The following DNAH1 variants were observed in gnomAD, a reference collection of about 807,000 sequenced individuals.
The protein encoded by DNAH1 is dynein axonemal heavy chain 1, also known as axonemal beta dynein heavy chain 1.
Under a neutral mutation model 484.3 loss-of-function variants are expected in DNAH1, and 327 were observed. That is an observed-to-expected ratio of 0.68 (90% CI 0.62 to 0.74). DNAH1 has a LOEUF of 0.74. Among genes scored for constraint, DNAH1 ranks in the 30% least tolerant of loss-of-function variants. The pLI is 0.00. For missense variants in DNAH1, 5,052 were observed against 5,546.8 expected (o/e 0.91, Z 2.83); for synonymous variants, 2,192 against 2,191.9 (o/e 1.00, Z 0.00).
rs1488609679 is a variant in DNAH1 at position 52,366,849 on chromosome 3, C to T, written c.5727C>T (p.Gly1909=). The T allele has an allele frequency of 9.9e-6, 16 of 1,613,752 alleles. No individual in the cohort carries two copies. Among genetic ancestry groups the T allele is most frequent in the Non-Finnish European group, 1.4e-5 (16 of 1,179,832 alleles). Residue 1909 remains glycine (G), a synonymous_variant, in exon 36 of 78, where the codon GGC becomes GGT. Transcript: ENST00000420323. The part of the protein sequence containing the change: ...YVLNPKSITM[G]QLYGEFDLLT... Reference sequence around the variant, plus strand: ...TCAACCCCAAGTCCATCACGATGGGCCAGCTGTACGGGGAGTTTGACCTCC... The same window carrying T: ...TCAACCCCAAGTCCATCACGATGGGTCAGCTGTACGGGGAGTTTGACCTCC...
intron 75 of DNAH1, 89 bp downstream of exon 75, chr3:52,398,251 T>G: frequency 6.9e-7 from 1 of 1,458,906 alleles, no homozygotes; most frequent in Non-Finnish European, 9.1e-7. Flanking sequence ...CCAGGTGCCA[T>G]GCCAAGTGCT....
rs757617865 is a variant in DNAH1, at chr3:52,332,290, T to C, written c.1182T>C (p.Tyr394=). 1.2e-6 allele frequency: 2 copies of C among 1,614,066 alleles called. No individual in the cohort carries two copies. Among genetic ancestry groups the C allele is most frequent in the Non-Finnish European group, 1.7e-6 (2 of 1,179,912 alleles). Residue 394 remains tyrosine (Y), a synonymous_variant, in exon 8 of 78, where the codon TAT becomes TAC. Transcript: ENST00000420323. Reference sequence around the variant, plus strand: ...AAGCACTGCTGCTCTACAACTTGTATGTGGACTGCATGCCCTCTGACGGCC... The same window carrying C: ...AAGCACTGCTGCTCTACAACTTGTACGTGGACTGCATGCCCTCTGACGGCC... The part of the protein sequence containing the change: ...NTEALLLYNL[Y]VDCMPSDGQH...
At position 52,351,955 on chromosome 3, in the gene DNAH1, C is replaced by T. The variant is rs545970781; in HGVS notation, c.2730-7C>T. On this transcript the variant is annotated splice_polypyrimidine_tract_variant and splice_region_variant and intron_variant, in intron 16 of 77. Coordinates refer to ENST00000420323, the MANE Select transcript of DNAH1 (RefSeq NM_015512.5). ...TTTCTCCCAATCCCCACCCCCATCC[C>T]GGCCAGATGGATTGCCAGCAACTGG... 18 of 1,598,746 alleles carry T rather than the reference C, an allele frequency of 1.1e-5. No individual in the cohort carries two copies. The highest frequency in any genetic ancestry group is 3.4e-5 in the South Asian group (3 of 87,848).
chr3:52,343,209 A>G (rs1484653352), intron 8 of DNAH1, among the ~76,000 whole-genome samples: 1 of 152,162 alleles, frequency 6.6e-6, no homozygotes, highest in African/African-American at 2.4e-5. Flanking sequence ...TTTTTCATAA[A>G]GAAACACAAA....
rs573854032 is a variant in DNAH1, at chr3:52,393,384, C to T, written c.10525C>T (p.Leu3509Phe). 6.2e-7 allele frequency: 1 copy of T among 1,614,054 alleles called. No individual in the cohort carries two copies. Among genetic ancestry groups the T allele is most frequent in the Admixed American group, 1.7e-5 (1 of 60,030 alleles). Residue 3509 changes from leucine (L) to phenylalanine (F), a missense_variant, in exon 66 of 78, where the codon CTC (leucine) becomes TTC (phenylalanine). By Grantham distance (22) the Leu-to-Phe change is conservative. Transcript: ENST00000420323. ...SNINRYLTYS[L>F]YSNVCRSLFE... ...CATCAACCGCTACCTGACCTACAGCCTCTACAGCAACGTCTGCCGCAGCCT... is the reference window on the plus strand; with the variant it reads ...CATCAACCGCTACCTGACCTACAGCTTCTACAGCAACGTCTGCCGCAGCCT...
intron 44 of DNAH1, 101 bp downstream of exon 44, chr3:52,373,154 C>A: frequency 4.0e-5 from 49 of 1,234,960 alleles, no homozygotes; most frequent in Non-Finnish European, 5.0e-5. Flanking sequence ...AAGGCACCCA[C>A]AAAAATGTTT....
intron 63 of DNAH1, 79 bp downstream of exon 63, chr3:52,391,682 C>T (rs1266290250): frequency 5.8e-5 from 90 of 1,548,336 alleles, no homozygotes; most frequent in Non-Finnish European, 5.6e-5. Flanking sequence ...ACCCCCAGGC[C>T]GGGAGTCAGT....
chr3:52,357,953 C>A lies in DNAH1; in HGVS notation c.4036C>A (p.Pro1346Thr), dbSNP rs1204946731. 1.2e-6 allele frequency: 2 copies of A among 1,613,168 alleles called. No homozygotes were observed. The highest frequency in any genetic ancestry group is 1.7e-6 in the Non-Finnish European group (2 of 1,179,772). ...AGAGATCTTGTCGCAGACAAAGGAC[C>A]CCACGGCCGTGCAGCCACACCTGCG... ...LLEILSQTKDPTAVQPHLRKC... is the reference protein window; with the variant it reads ...LLEILSQTKDTTAVQPHLRKC... The change falls in exon 24 of 78, where the codon CCC becomes ACC. Residue 1346 changes from proline to threonine, a missense_variant. By Grantham distance (38) the Pro-to-Thr change is conservative. Transcript: ENST00000420323.
At position 52,331,619 on chromosome 3, in the gene DNAH1, CTTTTTTTTTT is replaced by C. The variant is rs36097098; in HGVS notation, c.1033+324_1033+333del. On this transcript the variant is annotated intron_variant, in intron 7 of 77. Coordinates refer to ENST00000420323, the MANE Select transcript of DNAH1 (RefSeq NM_015512.5). Reference sequence around the variant, plus strand: ...TATAACTCCTTGTCTAAATACTTTTCTTTTTTTTTTTTTTTTTTTTTTTGAGATGGAGTCT... The same window carrying C: ...TATAACTCCTTGTCTAAATACTTTTCTTTTTTTTTTTTTGAGATGGAGTCT... Among the ~76,000 whole-genome samples the C allele has an allele frequency of 0.2, 22,069 of 111,456 alleles. 2,286 individuals carry two copies. The highest frequency in any genetic ancestry group is 0.34 in the African/African-American group (10,860 of 31,914). 73.1% of individuals were successfully genotyped at this position (111,456 alleles called of 152,430 possible).
In DNAH1 at chr3:52,359,287, G is replaced by C; in HGVS notation, c.4308G>C (p.Val1436=). The stretch of plus-strand genomic sequence containing the variant: ...GGGTTCTGAACTGGCCTGGCCAGGT[G>C]ACCATCGCTGGGTGCCAGACCTACT... ...TQWVLNWPGQ[V]TIAGCQTYWT... The change falls in exon 26 of 78, where the codon GTG becomes GTC. Residue 1436 remains valine, a synonymous_variant. Coordinates refer to ENST00000420323, the MANE Select transcript of DNAH1 (RefSeq NM_015512.5). 1 of 1,568,664 alleles carries C rather than the reference G, an allele frequency of 6.4e-7. No individual in the cohort carries two copies. Among genetic ancestry groups the C allele is most frequent in the Non-Finnish European group, 8.7e-7 (1 of 1,156,054 alleles).
chr3:52,356,651 G>GGCTCTACCTGGAGCCCATCTTTA lies in DNAH1; in HGVS notation c.3737_3759dup (p.Glu1254ThrfsTer33). 6.2e-7 allele frequency: 1 copy of GGCTCTACCTGGAGCCCATCTTTA among 1,613,758 alleles called. No individual in the cohort carries two copies. The highest frequency in any genetic ancestry group is 8.5e-7 in the Non-Finnish European group (1 of 1,179,898). ...GAGTGGCTGAACTGTCAGCGGTCCT[G>GGCTCTACCTGGAGCCCATCTTTA]GCTCTACCTGGAGCCCATCTTTAGC... On this transcript the variant is annotated frameshift_variant, in exon 22 of 78. Coordinates refer to ENST00000420323, the MANE Select transcript of DNAH1 (RefSeq NM_015512.5). LOFTEE classifies it high-confidence loss of function.
chr3:52,383,639 G>A (rs1306323212), intron 51 of DNAH1, 45 bp downstream of exon 51: 3 of 1,510,998 alleles, frequency 2.0e-6, no homozygotes, highest in Admixed American at 2.0e-5. Context: ...GCGGAGCTGG[G>A]TGTGTACATG....
intron 37 of DNAH1, 62 bp from the exon 38 acceptor site, chr3:52,369,763 G>A (rs1222992626): frequency 1.3e-6 from 2 of 1,540,978 alleles, no homozygotes; most frequent in East Asian, 2.3e-5. Context: ...CAGCCCTGCA[G>A]CCCTTTCTCC....
At chr3:52,389,647 A>G (rs1704283677) in intron 60 of DNAH1, 61 bp downstream of exon 60, 2 of 1,288,556 alleles carry the variant, frequency 1.6e-6, no homozygotes, top group Non-Finnish European at 2.0e-6. Context: ...AGGCTGGGCC[A>G]GGAGCCTTCT....
chr3:52,331,583 AG>A (rs973566802), intron 7 of DNAH1, among the ~76,000 whole-genome samples: 9 of 150,784 alleles, frequency 6.0e-5, no homozygotes, highest in African/African-American at 2.2e-4. Flanking sequence ...GCACTTGAAC[AG>A]CCATGCCTGT....
At chr3:52,349,125 T>G (rs1431763823) in intron 13 of DNAH1, 44 bp downstream of exon 13, 1 of 1,612,274 alleles carries the variant, frequency 6.2e-7, no homozygotes, top group Non-Finnish European at 8.5e-7. Flanking sequence ...TCTGTGTGTT[T>G]GTGCATGTGT....
At chr3:52,320,463 C>T (rs1701104448) in intron 1 of DNAH1, among the ~76,000 whole-genome samples, 1 of 152,230 alleles carries the variant, frequency 6.6e-6, no homozygotes, top group South Asian at 2.1e-4. Flanking sequence ...CTTTGGCCCT[C>T]AGGCGCCCTG....
At chr3:52,315,169 C>A (rs1483445326), upstream of DNAH1, among the ~76,000 whole-genome samples, 1 of 152,140 alleles carries the variant, frequency 6.6e-6, no homozygotes, top group African/African-American at 2.4e-5. Flanking sequence ...TCTGACACCC[C>A]CCGCCCCCGA....
At chr3:52,371,084 G>T (rs1290796819) in intron 41 of DNAH1, among the ~76,000 whole-genome samples, 2 of 152,234 alleles carry the variant, frequency 1.3e-5, no homozygotes, top group Admixed American at 6.5e-5. Flanking sequence ...TCCCTTTCCA[G>T]CCATATGCAC....
Sources: allele counts gnomAD v4.1 joint callset (sites outside exome capture counted in the v4.1 genomes callset), GRCh38; gene constraint gnomAD v4.1.1; transcripts MANE v1.5; gene names NCBI Gene and HGNC (gene_info 2026-07-23, HGNC 2026-07-21).